Variants in ST7 observed in about 807,000 individuals in gnomAD.
The protein encoded by ST7 is suppressor of tumorigenicity 7 protein.
A neutral mutation model predicts 78.7 loss-of-function variants in ST7; 28 were observed. The observed-to-expected ratio is 0.36, with a 90% confidence interval of 0.26 to 0.49. The LOEUF (loss-of-function observed/expected upper bound fraction) is 0.49, where lower values mean the gene tolerates loss of function less well. ST7 is among the 20% of genes least tolerant of loss of function. The pLI is 0.99. For missense variants in ST7, 418 were observed against 696.0 expected, an observed-to-expected ratio of 0.60 and a Z score of 4.49; for synonymous variants, 247 against 249.6, an observed-to-expected ratio of 0.99 and a Z score of 0.10.
intron 1 of ST7, chr7:117,074,650 A>T (rs1221957605): frequency 2.0e-5 from 3 of 152,224 alleles, no homozygotes; most frequent in Non-Finnish European, 4.4e-5. Flanking sequence ...GCAGAGTAAT[A>T]GGATTTGTTT....
chr7:116,982,199 T>G (rs569649168), intron 1 of ST7, among the ~76,000 whole-genome samples: 212 of 152,238 alleles, frequency 1.4e-3, no homozygotes, highest in South Asian at 2.9e-3. Context: ...TGCTGCTGCT[T>G]CTTCTTTTTA....
In ST7 at chr7:117,184,921, T is replaced by G. The variant is rs144409352; in HGVS notation, c.1079-4400T>G. On this transcript the variant is annotated intron_variant, in intron 10 of 15. Transcript: ENST00000323984. Reference sequence around the variant, plus strand: ...AAGACTGTGTGCTATTTTTATAAATTTCTGGAAACCTCTAATTATGTCGAA... The same window carrying G: ...AAGACTGTGTGCTATTTTTATAAATGTCTGGAAACCTCTAATTATGTCGAA... Among the ~76,000 whole-genome samples, 497 of 152,324 alleles carry G rather than the reference T, an allele frequency of 3.3e-3. 1 individual carries two copies. The highest frequency in any genetic ancestry group is 0.011 in the African/African-American group (467 of 41,568).
chr7:117,152,802 A>G (rs1806394228), intron 9 of ST7, among the ~76,000 whole-genome samples: 1 of 152,036 alleles, frequency 6.6e-6, no homozygotes, highest in Admixed American at 6.6e-5. Flanking sequence ...TAGGGAGATA[A>G]TTTTTTTAGA....
chr7:117,210,914 A>G (rs1447507713), intron 13 of ST7, among the ~76,000 whole-genome samples: 1 of 152,212 alleles, frequency 6.6e-6, no homozygotes, highest in Non-Finnish European at 1.5e-5. Context: ...GAGTCTTCTG[A>G]CAGTTGTTTC....
At chr7:117,012,546 G>A (rs1795431679) in intron 1 of ST7, among the ~76,000 whole-genome samples, 1 of 152,092 alleles carries the variant, frequency 6.6e-6, no homozygotes, top group Non-Finnish European at 1.5e-5. Flanking sequence ...TTACATATTA[G>A]CTGTTAATAC....
chr7:117,002,812 C>CTTT (rs1794991640), intron 1 of ST7, among the ~76,000 whole-genome samples: 1 of 85,768 alleles, frequency 1.2e-5, no homozygotes, highest in Non-Finnish European at 2.3e-5. Flanking sequence ...AATTTTTTTT[C>CTTT]CTTTTTTTTT....
intron 1 of ST7, among the ~76,000 whole-genome samples, chr7:116,999,591 G>C (rs1191881860): frequency 6.6e-6 from 1 of 152,170 alleles, no homozygotes; most frequent in Non-Finnish European, 1.5e-5. Flanking sequence ...TTCTTCTTTT[G>C]TTAATAAAAC....
intron 1 of ST7, chr7:117,076,693 G>C (rs1298396222): frequency 2.0e-5 from 3 of 152,434 alleles, no homozygotes; most frequent in South Asian, 2.1e-4. Context: ...TTTGGGCACT[G>C]GTAGGAGCGA....
intron 1 of ST7, among the ~76,000 whole-genome samples, chr7:117,029,540 C>A (rs1030759093): frequency 6.6e-6 from 1 of 151,920 alleles, no homozygotes; most frequent in African/African-American, 2.4e-5. Flanking sequence ...TGTAGCTTTC[C>A]TTTTTATTTT....
intron 1 of ST7, among the ~76,000 whole-genome samples, chr7:117,001,945 G>A (rs1794951169): frequency 6.6e-6 from 1 of 152,116 alleles, no homozygotes; most frequent in South Asian, 2.1e-4. Context: ...TGTTTTATTG[G>A]CCAGGCGTGG....
intron 1 of ST7, among the ~76,000 whole-genome samples, chr7:117,095,088 T>C (rs1226779143): frequency 6.6e-6 from 1 of 152,182 alleles, no homozygotes; most frequent in Non-Finnish European, 1.5e-5. Context: ...ATTCGAAGAC[T>C]TCCCTGTGCA....
chr7:117,089,761 G>A (rs1584623942), intron 1 of ST7, among the ~76,000 whole-genome samples: 1 of 151,750 alleles, frequency 6.6e-6, no homozygotes. Flanking sequence ...TAGTAGAGAC[G>A]GGGTTTCACC....
intron 1 of ST7, among the ~76,000 whole-genome samples, chr7:117,005,098 T>G (rs149059719): frequency 6.6e-5 from 10 of 152,352 alleles, no homozygotes; most frequent in African/African-American, 2.4e-4. Context: ...TGCACTACTT[T>G]TTTTTAAAGA....
At position 117,138,549 on chromosome 7, in the gene ST7, G is replaced by A. The variant is rs749282874; in HGVS notation, c.963+17G>A. The A allele has an allele frequency of 2.5e-5, 39 of 1,570,356 alleles. No individual in the cohort carries two copies. Among genetic ancestry groups the A allele is most frequent in the Non-Finnish European group, 3.1e-5 (36 of 1,152,000 alleles). ...ATGAGAGATGTGAGTTTGAGTTTGT[G>A]TTTGGGATCAGTGGCTTACAGATAT... On this transcript the variant is annotated intron_variant, in intron 9 of 15. Coordinates refer to ENST00000323984, the MANE Select transcript of ST7 (RefSeq NM_001369598.1).
chr7:117,003,111 A>C (rs1200867862), intron 1 of ST7, among the ~76,000 whole-genome samples: 1 of 151,552 alleles, frequency 6.6e-6, no homozygotes, highest in Non-Finnish European at 1.5e-5. Flanking sequence ...GGCGTGAGCC[A>C]CCACGCCAAG....
Position 116,972,659 on chromosome 7 carries a change from C to A in ST7, c.151+18968C>A, listed in dbSNP as rs1793488025. 2 of 1,145,696 alleles carry A rather than the reference C, an allele frequency of 1.7e-6. 1 individual carries two copies. Among genetic ancestry groups the A allele is most frequent in the Admixed American group, 3.4e-5 (2 of 58,008 alleles). 71.0% of individuals were successfully genotyped at this position (1,145,696 alleles called of 1,614,324 possible). A position where few individuals can be genotyped will look rare whatever the true frequency, so the allele number is the denominator to read the frequency against. ...AACTTCATACCTCTCTCACTCTCAT[C>A]AGCAGTTTTTTCCGCTTCTTCCAGC... is the stretch of plus-strand genomic sequence containing the variant. On this transcript the variant is annotated intron_variant, in intron 1 of 15. Coordinates refer to ENST00000323984, the MANE Select transcript of ST7 (RefSeq NM_001369598.1).
chr7:117,211,202 T>C lies in ST7; in HGVS notation c.1405+1265T>C, dbSNP rs1792259544. Reference sequence around the variant, plus strand: ...TTAGCAAATTAGCAGTAGTTCTGCTTCTATAGATTACTATTTATAACTTGA... The same window carrying C: ...TTAGCAAATTAGCAGTAGTTCTGCTCCTATAGATTACTATTTATAACTTGA... On this transcript the variant is annotated intron_variant, in intron 13 of 15. Transcript: ENST00000323984. Among the ~76,000 whole-genome samples the C allele has an allele frequency of 2.6e-5, 4 of 152,220 alleles. No individual in the cohort carries two copies. The South Asian group carries it at 8.3e-4, about 32-fold the overall frequency.
intron 9 of ST7, among the ~76,000 whole-genome samples, chr7:117,139,330 C>A (rs1805070230): frequency 6.6e-6 from 1 of 152,102 alleles, no homozygotes; most frequent in African/African-American, 2.4e-5. Context: ...CATTCTTTTG[C>A]TGAATTAGAA....
intron 1 of ST7, among the ~76,000 whole-genome samples, chr7:117,087,990 A>G (rs147839393): frequency 1.6e-4 from 24 of 152,248 alleles, no homozygotes; most frequent in Non-Finnish European, 3.4e-4. Flanking sequence ...TGCTATATGA[A>G]GTCCACTTTT....
Sources: gnomAD v4.1 joint callset for allele counts (sites outside exome capture counted in the v4.1 genomes callset) on GRCh38, gnomAD v4.1.1 for gene constraint, MANE v1.5 for transcripts, NCBI Gene and HGNC (gene_info 2026-07-23, HGNC 2026-07-21) for gene names.